MTCL1: variants seen among roughly 807,000 people sequenced by gnomAD.
The protein encoded by MTCL1 is microtubule cross-linking factor 1.
In MTCL1, 79 loss-of-function variants were observed where a neutral mutation model predicts 141.4. That is an observed-to-expected ratio of 0.56 (90% CI 0.47 to 0.67). The LOEUF (loss-of-function observed/expected upper bound fraction) is 0.67. MTCL1 is among the 30% of genes least tolerant of loss of function. MTCL1 has a pLI of 0.00. For missense variants in MTCL1, 2,177 were observed against 2,113.9 expected, an observed-to-expected ratio of 1.03 and a Z score of -0.59; for synonymous variants, 914 against 875.8, an observed-to-expected ratio of 1.04 and a Z score of -0.77.
chr18:8,830,039 C>T lies in MTCL1; in HGVS notation c.*18+1075C>T. ...TGACAGCAGCTTCACCAACACACAA[C>T]ACACACAGAACAGATACACAATACA... On this transcript the variant is annotated intron_variant, in intron 16 of 16. Transcript: ENST00000359865. The surrounding 1 kb of genome is among the most constrained non-coding windows in gnomAD (Gnocchi z 6.4). 1.0e-6 allele frequency: 1 copy of T among 985,514 alleles called. No homozygotes were observed. Among genetic ancestry groups the T allele is most frequent in the South Asian group, 4.7e-5 (1 of 21,286 alleles). The allele number at this position is 985,514 out of a possible 1,614,324, so 61.0% of individuals were successfully genotyped here.
intron 7 of MTCL1, among the ~76,000 whole-genome samples, chr18:8,790,216 T>A (rs912926460): frequency 6.6e-6 from 1 of 152,232 alleles, no homozygotes; most frequent in African/African-American, 2.4e-5. Flanking sequence ...AAGTATGAGC[T>A]TCATATATTG....
At chr18:8,723,887 A>G (rs1371359610) in intron 4 of MTCL1, among the ~76,000 whole-genome samples, 1 of 152,164 alleles carries the variant, frequency 6.6e-6, no homozygotes, top group Non-Finnish European at 1.5e-5. Flanking sequence ...CTGCTAAGTA[A>G]CAGAAGCCAG....
intron 7 of MTCL1, among the ~76,000 whole-genome samples, chr18:8,787,874 G>A (rs1388097759): frequency 6.6e-6 from 1 of 152,178 alleles, no homozygotes; most frequent in Non-Finnish European, 1.5e-5. Context: ...TTTTATTAGA[G>A]AAGCTGGATG....
intron 3 of MTCL1, among the ~76,000 whole-genome samples, chr18:8,719,584 A>G (rs2096154053): frequency 2.0e-5 from 3 of 152,124 alleles, no homozygotes; most frequent in African/African-American, 7.2e-5. Context: ...TATTTTAGAG[A>G]TAGAATCTTG....
At chr18:8,773,691 A>T (rs1440064554) in intron 4 of MTCL1, among the ~76,000 whole-genome samples, 1 of 152,058 alleles carries the variant, frequency 6.6e-6, no homozygotes, top group African/African-American at 2.4e-5. Flanking sequence ...ATTTTAATTC[A>T]TCTAAGATTT....
chr18:8,825,434 C>T, exon 15 of MTCL1: 2 of 1,562,622 alleles, frequency 1.3e-6, no homozygotes, highest in Non-Finnish European at 1.7e-6. Context: ...AGGACATGGC[C>T]TGCCAGACCA....
At chr18:8,808,049 T>C (rs975704070) in intron 11 of MTCL1, among the ~76,000 whole-genome samples, 9 of 149,702 alleles carry the variant, frequency 6.0e-5, no homozygotes, top group African/African-American at 1.7e-4. Context: ...TACCCACAAG[T>C]TCCCCTGCAT....
chr18:8,827,083 G>A (rs1316065195), intron 15 of MTCL1, among the ~76,000 whole-genome samples: 4 of 152,200 alleles, frequency 2.6e-5, no homozygotes, highest in South Asian at 4.1e-4. Flanking sequence ...ATTCCAACTC[G>A]CCAGGAGTCC....
intron 4 of MTCL1, among the ~76,000 whole-genome samples, chr18:8,726,527 G>A (rs2096215275): frequency 9.8e-6 from 1 of 101,676 alleles, no homozygotes; most frequent in Non-Finnish European, 1.9e-5. Context: ...GCGAGAGAGA[G>A]CGAGTGCGCA....
At chr18:8,775,824 T>A (rs1311657017) in intron 4 of MTCL1, among the ~76,000 whole-genome samples, 1 of 152,290 alleles carries the variant, frequency 6.6e-6, no homozygotes, top group East Asian at 1.9e-4. Flanking sequence ...TCCATGATGA[T>A]TCTGTGACCC....
At chr18:8,824,858 G>T (rs2076963610) in exon 15 of MTCL1, 1 of 1,613,946 alleles carries the variant, frequency 6.2e-7, no homozygotes, top group Non-Finnish European at 8.5e-7. Context: ...ACAAGAGCTG[G>T]GACTACACAC....
chr18:8,743,875 A>G (rs1056212441), intron 4 of MTCL1, among the ~76,000 whole-genome samples: 2 of 152,198 alleles, frequency 1.3e-5, no homozygotes, highest in Non-Finnish European at 2.9e-5. Flanking sequence ...TTTGAGGGGC[A>G]TTATTCTGGC....
chr18:8,738,735 GA>G (rs1479071289), intron 4 of MTCL1, among the ~76,000 whole-genome samples: 1 of 152,198 alleles, frequency 6.6e-6, no homozygotes, highest in Admixed American at 6.5e-5. Flanking sequence ...TTTGAGAGTG[GA>G]TAGGGAGGCT....
At chr18:8,783,628 G>A (rs1384158363) in exon 6 of MTCL1, 1 of 1,613,624 alleles carries the variant, frequency 6.2e-7, no homozygotes, top group Non-Finnish European at 8.5e-7. Context: ...AGAAGGACGA[G>A]CTGGAGCAGG....
At chr18:8,753,927 A>G (rs2096384367) in intron 4 of MTCL1, among the ~76,000 whole-genome samples, 1 of 152,338 alleles carries the variant, frequency 6.6e-6, no homozygotes, top group Admixed American at 6.5e-5. Context: ...GTGACTGTTA[A>G]TATGGGACCA....
chr18:8,756,333 ATG>A (rs1347828961), intron 4 of MTCL1, among the ~76,000 whole-genome samples: 6 of 150,672 alleles, frequency 4.0e-5, no homozygotes, highest in Admixed American at 4.0e-4. Context: ...GTGTATATAT[ATG>A]TGTGTGTATA....
In MTCL1 at chr18:8,705,979, G is replaced by T; in HGVS notation, c.319G>T (p.Ala107Ser). 1 of 1,137,624 alleles carries T rather than the reference G, an allele frequency of 8.8e-7. No individual in the cohort carries two copies. Among genetic ancestry groups the T allele is most frequent in the Non-Finnish European group, 1.1e-6 (1 of 929,330 alleles). The allele number at this position is 1,137,624 out of a possible 1,614,324, so 70.5% of individuals were successfully genotyped here. ...TCGGCGCAGTGGCGGCGTCCCGGGC[G>T]CGAAGGACAAGCCCCCGCCGGGCGC... Residue 107 changes from alanine (A) to serine (S), a missense_variant, in exon 1 of 14, where the codon GCG (alanine) becomes TCG (serine). Coordinates refer to the MTCL1 transcript ENST00000306329. The surrounding 1 kb of genome is among the most constrained non-coding windows in gnomAD (Gnocchi z 5.2).
At chr18:8,785,436 C>T (rs1229689887) in intron 6 of MTCL1, among the ~76,000 whole-genome samples, 3 of 152,142 alleles carry the variant, frequency 2.0e-5, no homozygotes, top group South Asian at 2.1e-4. Flanking sequence ...TGGCTCCTGC[C>T]GCCCTGCCGC....
chr18:8,751,267 G>C (rs1254052914), intron 4 of MTCL1, among the ~76,000 whole-genome samples: 1 of 152,324 alleles, frequency 6.6e-6, no homozygotes, highest in East Asian at 1.9e-4. Context: ...TGTGTGTTCT[G>C]TCAAAAGAAG....
Sources: gnomAD v4.1 joint callset for allele counts (sites outside exome capture counted in the v4.1 genomes callset) on GRCh38, gnomAD v4.1.1 for gene constraint, Gnocchi (gnomAD v3.1) non-coding constraint, MANE v1.5 for transcripts, NCBI Gene and HGNC (gene_info 2026-07-23, HGNC 2026-07-21) for gene names.